Variants in KIF16B observed in about 807,000 individuals in gnomAD.
KIF16B encodes kinesin-like protein KIF16B.
A neutral mutation model predicts 156.3 loss-of-function variants in KIF16B; 98 were observed. That is an observed-to-expected ratio of 0.63 (90% confidence interval 0.53 to 0.74). The LOEUF is 0.74. Ranked by LOEUF, KIF16B falls within the 30% of genes least tolerant of loss-of-function variation. The pLI is 0.00. For synonymous variants in KIF16B, 564 were observed against 583.7 expected (o/e 0.97, Z 0.49); for missense variants, 1,421 against 1,606.5 (o/e 0.88, Z 1.97).
chr20:16,450,171 T>C (rs1457569715), intron 12 of KIF16B, among the ~76,000 whole-genome samples: 1 of 152,222 alleles, frequency 6.6e-6, no homozygotes, highest in Non-Finnish European at 1.5e-5. Context: ...AATCCAATTT[T>C]ATAGATCTAT....
rs1167271561 is a variant in KIF16B at position 16,379,779 on chromosome 20, A to G, written c.2223T>C (p.Tyr741=). The G allele has an allele frequency of 2.5e-6, 4 of 1,614,016 alleles. No individual in the cohort carries two copies. The highest frequency in any genetic ancestry group is 3.4e-6 in the Non-Finnish European group (4 of 1,180,032). The part of the protein sequence containing the change: ...DQLQKEKDEQ[Y]AKLELEKKRL... ...TCTTTTTTTCCAGTTCAAGCTTGGC[A>G]TACTGTTCATCTTTTTCCTTTTGGA... Residue 741 remains tyrosine (Y), a synonymous_variant, in exon 19 of 26, where the codon TAT becomes TAC. Coordinates refer to ENST00000354981, the MANE Select transcript of KIF16B (RefSeq NM_024704.5).
At chr20:16,389,014 C>T (rs982426536) in intron 17 of KIF16B, among the ~76,000 whole-genome samples, 3 of 152,028 alleles carry the variant, frequency 2.0e-5, no homozygotes, top group African/African-American at 4.8e-5. Flanking sequence ...ACAACATGCA[C>T]GGAAGGGAGA....
chr20:16,476,457 A>G lies in KIF16B; in HGVS notation c.1302+17834T>C, dbSNP rs557705368. Reference sequence around the variant, plus strand: ...TACTAACAGCAGACTGGAATGTCAGAGGATTTTGCAGACATTAAAAGACAT... The same window carrying G: ...TACTAACAGCAGACTGGAATGTCAGGGGATTTTGCAGACATTAAAAGACAT... On this transcript the variant is annotated intron_variant, in intron 12 of 25. Transcript: ENST00000354981. Among the ~76,000 whole-genome samples, 6 of 152,342 alleles carry G rather than the reference A, an allele frequency of 3.9e-5. No homozygotes were observed. In the East Asian group the frequency reaches 1.2e-3, roughly 29 times the overall value.
rs11474777 is a variant in KIF16B, at chr20:16,551,132, CTTT to C, written c.47+22094_47+22096del. 1.9e-4 allele frequency among the ~76,000 whole-genome samples: 26 copies of C among 139,108 alleles called. No individual in the cohort carries two copies. In the East Asian group the frequency reaches 4.0e-3, roughly 22 times the overall value. The allele number at this position is 139,108 out of a possible 152,430, so 91.3% of individuals were successfully genotyped here. ...AACCACCAGTGAGGGGCTTTCTCTT[CTTT>C]TTTTTTTTTTTTTGAGATGCAGTTT... On this transcript the variant is annotated intron_variant, in intron 1 of 25. Transcript: ENST00000354981.
chr20:16,298,355 C>T (rs1601520172), intron 25 of KIF16B, among the ~76,000 whole-genome samples: 1 of 152,274 alleles, frequency 6.6e-6, no homozygotes, highest in East Asian at 1.9e-4. Context: ...ATTGTGAGCT[C>T]CTTGAAGACG....
At chr20:16,525,396 C>G (rs938538207) in intron 3 of KIF16B, among the ~76,000 whole-genome samples, 1 of 152,146 alleles carries the variant, frequency 6.6e-6, no homozygotes, top group African/African-American at 2.4e-5. Flanking sequence ...CTCCCCATTT[C>G]TAACCTCACT....
chr20:16,367,512 G>C lies in KIF16B; in HGVS notation c.3498+3074C>G, dbSNP rs569115408. 964 of 1,612,882 alleles carry C rather than the reference G, an allele frequency of 6.0e-4. 8 individuals carry two copies. In the South Asian group the frequency reaches 8.5e-3, roughly 14 times the overall value. On this transcript the variant is annotated intron_variant, in intron 22 of 25. Transcript: ENST00000354981. ...CTTCCTTCACCAGTGCAATGTGGGT[G>C]TTCAGAAGGACTAGCGACTGGCACT...
chr20:16,344,812 C>T (rs1195714504), intron 23 of KIF16B, among the ~76,000 whole-genome samples: 1 of 152,196 alleles, frequency 6.6e-6, no homozygotes, highest in East Asian at 1.9e-4. Context: ...TTATAATGAA[C>T]TCGGTTTACT....
intron 4 of KIF16B, 90 bp downstream of exon 4, chr20:16,515,458 A>G (rs1255334513): frequency 1.4e-6 from 1 of 704,414 alleles, no homozygotes; most frequent in Non-Finnish European, 2.5e-6. Context: ...ATGAAAAGTT[A>G]GTACAGACCA....
chr20:16,404,393 AAG>A (rs1328081089), intron 17 of KIF16B, among the ~76,000 whole-genome samples: 3 of 152,204 alleles, frequency 2.0e-5, no homozygotes. Flanking sequence ...CGAAGTAGTG[AAG>A]ATAATTTCCT....
intron 12 of KIF16B, among the ~76,000 whole-genome samples, chr20:16,431,121 C>T (rs188065363): frequency 6.6e-6 from 1 of 152,072 alleles, no homozygotes; most frequent in Non-Finnish European, 1.5e-5. Flanking sequence ...TCAAAATATG[C>T]CCAGAATCTG....
At chr20:16,376,781 C>A (rs1404935703) in intron 19 of KIF16B, among the ~76,000 whole-genome samples, 1 of 152,190 alleles carries the variant, frequency 6.6e-6, no homozygotes, top group Non-Finnish European at 1.5e-5. Context: ...AAAGCTCATG[C>A]TGCATTCTTA....
chr20:16,554,442 A>G (rs2070774463), intron 1 of KIF16B, among the ~76,000 whole-genome samples: 4 of 152,112 alleles, frequency 2.6e-5, no homozygotes, highest in Admixed American at 1.3e-4. Flanking sequence ...TGAGCGCTGA[A>G]CGCTCATCGG....
rs1180314468 is a variant in KIF16B at position 16,379,788 on chromosome 20, A to G, written c.2214T>C (p.Asp738=). The part of the protein sequence containing the change: ...QELDQLQKEK[D]EQYAKLELEK... ...CCAGTTCAAGCTTGGCATACTGTTC[A>G]TCTTTTTCCTTTTGGAGCTGGTCCA... The change falls in exon 19 of 26, where the codon GAT becomes GAC. Residue 738 remains aspartate, a synonymous_variant. Coordinates refer to ENST00000354981, the MANE Select transcript of KIF16B (RefSeq NM_024704.5). 6.2e-7 allele frequency: 1 copy of G among 1,613,968 alleles called. No homozygotes were observed. Among genetic ancestry groups the G allele is most frequent in the Admixed American group, 1.7e-5 (1 of 59,994 alleles).
chr20:16,364,739 G>A (rs1193603129), intron 22 of KIF16B, among the ~76,000 whole-genome samples: 1 of 152,224 alleles, frequency 6.6e-6, no homozygotes, highest in African/African-American at 2.4e-5. Context: ...GGTGAGAGAA[G>A]TGACATGCTG....
chr20:16,401,052 C>T (rs896719780), intron 17 of KIF16B, among the ~76,000 whole-genome samples: 2 of 151,780 alleles, frequency 1.3e-5, no homozygotes, highest in African/African-American at 4.9e-5. Context: ...CTTTCTACAG[C>T]AGGTGGCAAG....
intron 12 of KIF16B, among the ~76,000 whole-genome samples, chr20:16,449,144 C>T (rs992893372): frequency 3.3e-5 from 5 of 151,246 alleles, no homozygotes; most frequent in African/African-American, 9.7e-5. Flanking sequence ...CAGAGGAAAG[C>T]GAAAGAATAA....
At chr20:16,534,179 C>T (rs1379993191) in intron 1 of KIF16B, among the ~76,000 whole-genome samples, 4 of 151,774 alleles carry the variant, frequency 2.6e-5, no homozygotes, top group Non-Finnish European at 2.9e-5. Context: ...CACTTGAGCC[C>T]GGGGGACAGA....
intron 23 of KIF16B, among the ~76,000 whole-genome samples, chr20:16,350,824 G>A (rs868569093): frequency 6.6e-6 from 1 of 150,382 alleles, no homozygotes. Flanking sequence ...CTGTGGCCAG[G>A]CTAGCATGCA....
Sources: allele counts gnomAD v4.1 joint callset (sites outside exome capture counted in the v4.1 genomes callset), GRCh38; gene constraint gnomAD v4.1.1; transcripts MANE v1.5; gene names NCBI Gene and HGNC (gene_info 2026-07-23, HGNC 2026-07-21).